The following TMPRSS15 variants were observed in gnomAD, a reference collection of about 807,000 sequenced individuals.
TMPRSS15 encodes the protein enteropeptidase.
In TMPRSS15, 128 loss-of-function variants were observed where a neutral mutation model predicts 125.3. The ratio of observed to expected loss-of-function variants is 1.02; its 90% confidence interval spans 0.89 to 1.18. The LOEUF (loss-of-function observed/expected upper bound fraction) is 1.18. TMPRSS15 is among the 50% of genes most tolerant of loss of function. The probability of loss-of-function intolerance (pLI) is 0.00; values close to 1 mark genes in which losing one functional copy is unlikely to be tolerated. For synonymous variants in TMPRSS15, 446 were observed against 423.2 expected (o/e 1.05, Z -0.66); for missense variants, 1,283 against 1,212.7 (o/e 1.06, Z -0.86).
At chr21:18,323,847 C>T (rs938750068) in intron 16 of TMPRSS15, among the ~76,000 whole-genome samples, 7 of 152,080 alleles carry the variant, frequency 4.6e-5, no homozygotes, top group African/African-American at 1.7e-4. Flanking sequence ...AATTTTACTG[C>T]ATTTAAACAA....
At chr21:18,354,060 G>T (rs1024807973) in intron 8 of TMPRSS15, among the ~76,000 whole-genome samples, 197 bp from the exon 9 acceptor site, 1 of 151,600 alleles carries the variant, frequency 6.6e-6, no homozygotes, top group Admixed American at 6.6e-5. Context: ...ACATTAGAAA[G>T]CCTCAAATTA....
At chr21:18,315,281 A>G in intron 16 of TMPRSS15, 25 bp from the exon 17 acceptor site, 1 of 1,576,350 alleles carries the variant, frequency 6.3e-7, no homozygotes, top group Admixed American at 1.7e-5. Flanking sequence ...TGTTTATTGT[A>G]TAGGATAAAG....
chr21:18,399,429 T>C (rs546730361), intron 1 of TMPRSS15, among the ~76,000 whole-genome samples: 2 of 152,258 alleles, frequency 1.3e-5, no homozygotes, highest in South Asian at 4.1e-4. Flanking sequence ...ACATATTATT[T>C]ATACTATTTC....
chr21:18,332,527 T>C (rs2075355535), intron 13 of TMPRSS15, among the ~76,000 whole-genome samples: 1 of 152,170 alleles, frequency 6.6e-6, no homozygotes, highest in African/African-American at 2.4e-5. Flanking sequence ...CTTTGTCAGA[T>C]GCATAATTTG....
intron 1 of TMPRSS15, among the ~76,000 whole-genome samples, chr21:18,428,457 T>A (rs981203012): frequency 2.0e-5 from 3 of 152,160 alleles, no homozygotes; most frequent in African/African-American, 4.8e-5. Flanking sequence ...GTCAGAGGTC[T>A]TCATGACAGC....
intron 6 of TMPRSS15, among the ~76,000 whole-genome samples, chr21:18,366,837 T>C (rs7283118): frequency 0.26 from 40,262 of 151,972 alleles, 5,558 homozygotes; most frequent in East Asian, 0.49. Flanking sequence ...GTGTTTAGAA[T>C]AAGCTAATTC....
chr21:18,294,225 C>A (rs766240376), intron 21 of TMPRSS15, 45 bp downstream of exon 21: 63 of 1,611,628 alleles, frequency 3.9e-5, no homozygotes, highest in Non-Finnish European at 4.9e-5. Context: ...GCAGTGTCTG[C>A]TGTGGTGACC....
At position 18,339,593 on chromosome 21, in the gene TMPRSS15, G is replaced by C. The variant is rs139687253; in HGVS notation, c.1564+1820C>G. On this transcript the variant is annotated intron_variant, in intron 13 of 24. Coordinates refer to ENST00000284885, the MANE Select transcript of TMPRSS15 (RefSeq NM_002772.3). ...AAAAAGTACTGCGTTTGTGGGATCAGATCCATGCAGAACAAAACACACATG... is the reference window on the plus strand; with the variant it reads ...AAAAAGTACTGCGTTTGTGGGATCACATCCATGCAGAACAAAACACACATG... Among the ~76,000 whole-genome samples the C allele has an allele frequency of 2.6e-5, 4 of 152,230 alleles. No homozygotes were observed. The East Asian group carries it at 5.8e-4, about 22-fold the overall frequency.
chr21:18,286,937 C>T (rs991711681), intron 21 of TMPRSS15, among the ~76,000 whole-genome samples: 3 of 152,170 alleles, frequency 2.0e-5, no homozygotes, highest in African/African-American at 7.2e-5. Flanking sequence ...CTGTTACCTT[C>T]AAAGAAATTT....
At chr21:18,288,422 C>A (rs10222194) in intron 21 of TMPRSS15, among the ~76,000 whole-genome samples, 123,202 of 151,928 alleles carry the variant, frequency 0.81, 50,200 homozygotes, top group African/African-American at 0.85. Flanking sequence ...CCCTGACTTC[C>A]TCACTATGCA....
chr21:18,396,772 T>A (rs2076041487), intron 3 of TMPRSS15, among the ~76,000 whole-genome samples: 1 of 62,548 alleles, frequency 1.6e-5, no homozygotes, highest in African/African-American at 6.6e-5. Context: ...AGACTCTGTC[T>A]CAAAAAAAAA....
chr21:18,333,233 C>G (rs1314487877), intron 13 of TMPRSS15, among the ~76,000 whole-genome samples: 3 of 151,964 alleles, frequency 2.0e-5, no homozygotes, highest in African/African-American at 7.3e-5. Context: ...GCACTTGTTC[C>G]CCTGAACGTA....
At chr21:18,441,937 T>A (rs2076243114) in intron 1 of TMPRSS15, among the ~76,000 whole-genome samples, 1 of 152,038 alleles carries the variant, frequency 6.6e-6, no homozygotes, top group Non-Finnish European at 1.5e-5. Flanking sequence ...GTGATTTGCC[T>A]GCCTAGGCCT....
At chr21:18,323,598 T>G (rs1601334325) in intron 16 of TMPRSS15, among the ~76,000 whole-genome samples, 1 of 152,260 alleles carries the variant, frequency 6.6e-6, no homozygotes, top group East Asian at 1.9e-4. Context: ...TTTCAATTGT[T>G]TGGATACCTC....
intron 21 of TMPRSS15, among the ~76,000 whole-genome samples, chr21:18,283,232 G>C (rs962742333): frequency 4.6e-5 from 7 of 152,098 alleles, no homozygotes; most frequent in African/African-American, 1.7e-4. Context: ...CTGGTGTTCT[G>C]TTTCTGAACT....
intron 1 of TMPRSS15, among the ~76,000 whole-genome samples, chr21:18,437,881 C>T (rs371235066): frequency 8.6e-5 from 13 of 151,940 alleles, no homozygotes; most frequent in African/African-American, 2.7e-4. Flanking sequence ...GTTGGTGGGA[C>T]TGTAAACTAG....
intron 3 of TMPRSS15, among the ~76,000 whole-genome samples, chr21:18,397,032 T>G (rs2076047848): frequency 6.6e-6 from 1 of 152,150 alleles, no homozygotes; most frequent in South Asian, 2.1e-4. Flanking sequence ...CCCCAGGTCT[T>G]GATCAGTCTT....
At chr21:18,411,247 T>C (rs2076165251) in intron 1 of TMPRSS15, among the ~76,000 whole-genome samples, 1 of 152,134 alleles carries the variant, frequency 6.6e-6, no homozygotes, top group South Asian at 2.1e-4. Context: ...GATGGTGTGT[T>C]GTGAAAAATA....
chr21:18,445,340 C>A (rs565363614), intron 1 of TMPRSS15, among the ~76,000 whole-genome samples: 9 of 152,018 alleles, frequency 5.9e-5, no homozygotes, highest in South Asian at 2.1e-4. Flanking sequence ...ACCACCACTC[C>A]TGGCTAATTT....
Sources: gnomAD v4.1 joint callset for allele counts (sites outside exome capture counted in the v4.1 genomes callset) on GRCh38, gnomAD v4.1.1 for gene constraint, MANE v1.5 for transcripts, NCBI Gene and HGNC (gene_info 2026-07-23, HGNC 2026-07-21) for gene names.